The following VPS13C variants were observed in gnomAD, a reference collection of about 807,000 sequenced individuals.
VPS13C encodes the protein intermembrane lipid transfer protein VPS13C.
Under a neutral mutation model 456.8 loss-of-function variants are expected in VPS13C, and 358 were observed. The ratio of observed to expected loss-of-function variants is 0.78; its 90% CI spans 0.72 to 0.86. VPS13C has a LOEUF of 0.86. VPS13C is among the 40% of genes least tolerant of loss of function. The pLI, the probability that VPS13C is intolerant of heterozygous loss-of-function variation, is 0.00. For missense variants in VPS13C, 4,818 were observed against 4,385.4 expected (o/e 1.10, Z -2.79); for synonymous variants, 1,578 against 1,486.7 (o/e 1.06, Z -1.41).
At chr15:61,973,053 G>A (rs1424429700) in intron 26 of VPS13C, among the ~76,000 whole-genome samples, 2 of 152,028 alleles carry the variant, frequency 1.3e-5, no homozygotes, top group African/African-American at 2.4e-5. Flanking sequence ...TATCTACCAC[G>A]TATCAGGCTG....
At chr15:61,897,943 A>C (rs1272607976) in intron 66 of VPS13C, among the ~76,000 whole-genome samples, 2 of 152,348 alleles carry the variant, frequency 1.3e-5, no homozygotes, top group East Asian at 3.9e-4. Context: ...GTGGGGGCCA[A>C]TATTCAACAT....
chr15:61,865,021 T>C, intron 81 of VPS13C: 1 of 984,570 alleles, frequency 1.0e-6, no homozygotes, highest in Non-Finnish European at 1.2e-6. Context: ...TTTATCACCA[T>C]AATACACTTT....
intron 4 of VPS13C, among the ~76,000 whole-genome samples, chr15:62,034,572 GA>G (rs1252418548): frequency 3.3e-5 from 5 of 150,844 alleles, no homozygotes; most frequent in Non-Finnish European, 7.4e-5. Context: ...AACAAAATAG[GA>G]AAAAAAATAA....
In VPS13C at chr15:61,866,283, G is replaced by C. The variant is rs187509230; in HGVS notation, c.10863+2376C>G. On this transcript the variant is annotated intron_variant, in intron 81 of 84. Coordinates refer to ENST00000644861, the MANE Select transcript of VPS13C (RefSeq NM_020821.3). ...ATAATGCACTAAAGTTTTAAAAGTT[G>C]TCTGATATCTTAATAAAAACTAAGA... The C allele has an allele frequency of 4.1e-6, 4 of 983,480 alleles. No homozygotes were observed. The East Asian group carries it at 4.5e-4, about 112-fold the overall frequency. The allele number at this position is 983,480 out of a possible 1,614,324, so 60.9% of individuals were successfully genotyped here. A position where few individuals can be genotyped will look rare whatever the true frequency, so the allele number is the denominator to read the frequency against.
intron 3 of VPS13C, 87 bp downstream of exon 3, chr15:62,041,237 A>G: frequency 7.1e-7 from 1 of 1,418,028 alleles, no homozygotes; most frequent in Non-Finnish European, 9.7e-7. Flanking sequence ...CACACTTTTA[A>G]TCAAAGATTT....
At chr15:61,935,959 C>T (rs1157742800) in intron 48 of VPS13C, among the ~76,000 whole-genome samples, 1 of 152,046 alleles carries the variant, frequency 6.6e-6, no homozygotes, top group East Asian at 1.9e-4. Flanking sequence ...AAATATTAAC[C>T]TATTTACAGT....
chr15:62,040,476 T>A (rs990679796), intron 3 of VPS13C, among the ~76,000 whole-genome samples: 1 of 151,964 alleles, frequency 6.6e-6, no homozygotes, highest in South Asian at 2.1e-4. Flanking sequence ...CATAAATATA[T>A]ATACCTACTA....
At chr15:61,981,678 G>A (rs569130188) in intron 21 of VPS13C, among the ~76,000 whole-genome samples, 200 bp from the exon 22 acceptor site, 1 of 152,178 alleles carries the variant, frequency 6.6e-6, no homozygotes, top group South Asian at 2.1e-4. Flanking sequence ...GGCTAACACG[G>A]TGAAACCCCG....
At chr15:62,018,185 G>T (rs1291890182) in intron 9 of VPS13C, among the ~76,000 whole-genome samples, 3 of 152,034 alleles carry the variant, frequency 2.0e-5, no homozygotes, top group Admixed American at 6.6e-5. Flanking sequence ...GGAGATTTGG[G>T]GCTGAGACGA....
Position 61,958,622 on chromosome 15 carries a change from C to A in VPS13C, c.4151G>T (p.Arg1384Ile), listed in dbSNP as rs778997182. Reference protein sequence around the residue: ...GTEDLDKVKPRVQETGEIKEP... With the variant: ...GTEDLDKVKPIVQETGEIKEP... ...CAGCCTCTTACCTGTCTCTTGTACTCTTGGTTTCACTTTATCCAAGTCTTC... is the reference window on the plus strand; with the variant it reads ...CAGCCTCTTACCTGTCTCTTGTACTATTGGTTTCACTTTATCCAAGTCTTC... Residue 1384 changes from arginine (R) to isoleucine (I), a missense_variant, in exon 37 of 85, where the codon AGA (arginine) becomes ATA (isoleucine). Around this residue, in one of 3 missense-constraint regions of VPS13C, gnomAD observed 4,552 missense variants for 4,130.6 expected, o/e 1.10. Coordinates refer to ENST00000644861, the MANE Select transcript of VPS13C (RefSeq NM_020821.3). 6.4e-7 allele frequency: 1 copy of A among 1,570,948 alleles called. No individual in the cohort carries two copies. Among genetic ancestry groups the A allele is most frequent in the Admixed American group, 1.9e-5 (1 of 51,532 alleles).
chr15:61,883,618 T>A (rs1176101858), intron 68 of VPS13C, among the ~76,000 whole-genome samples: 1 of 152,152 alleles, frequency 6.6e-6, no homozygotes, highest in Non-Finnish European at 1.5e-5. Flanking sequence ...AGGGCCTAGG[T>A]GGAGTGCATC....
chr15:61,924,996 A>G (rs939161504), intron 53 of VPS13C, among the ~76,000 whole-genome samples: 2 of 152,208 alleles, frequency 1.3e-5, no homozygotes, highest in Admixed American at 6.5e-5. Context: ...AAACTCCAAT[A>G]ATTATTTCTA....
intron 67 of VPS13C, among the ~76,000 whole-genome samples, chr15:61,887,527 A>G (rs2140061013): frequency 6.6e-6 from 1 of 152,204 alleles, no homozygotes; most frequent in Admixed American, 6.5e-5. Flanking sequence ...CATCTCCACA[A>G]AGAAATAAAA....
intron 50 of VPS13C, among the ~76,000 whole-genome samples, chr15:61,930,855 T>C (rs1411399073): frequency 6.6e-6 from 1 of 152,246 alleles, no homozygotes; most frequent in Non-Finnish European, 1.5e-5. Context: ...ACTCATTTTC[T>C]CTTAGTTCCC....
At chr15:61,998,827 C>T (rs1018412870) in intron 16 of VPS13C, among the ~76,000 whole-genome samples, 7 of 152,132 alleles carry the variant, frequency 4.6e-5, no homozygotes, top group Admixed American at 3.9e-4. Flanking sequence ...TGAGACAATC[C>T]TCCTCTTTCT....
intron 15 of VPS13C, among the ~76,000 whole-genome samples, chr15:62,005,303 G>C (rs1282963773): frequency 6.6e-6 from 1 of 152,080 alleles, no homozygotes; most frequent in Non-Finnish European, 1.5e-5. Context: ...ATCTTTGTTG[G>C]TTTAAAGTCT....
At chr15:61,912,032 C>T (rs1323750671) in intron 62 of VPS13C, 28 bp from the exon 63 acceptor site, 2 of 1,533,906 alleles carry the variant, frequency 1.3e-6, no homozygotes, top group South Asian at 1.4e-5. Context: ...GCTTATTTTC[C>T]AGTTTATTCA....
At position 61,852,578 on chromosome 15, in the gene VPS13C, T is replaced by C. The variant is rs768386328; in HGVS notation, c.*1879A>G. On this transcript the variant is annotated 3_prime_UTR_variant, in exon 85 of 85. Coordinates refer to ENST00000644861, the MANE Select transcript of VPS13C (RefSeq NM_020821.3). ...TATAATTTCTTAAATATATGGGACA[T>C]TGTCAACAGCTGTGATTCATATGAA... 7 of 152,168 alleles carry C rather than the reference T, an allele frequency of 4.6e-5. No individual in the cohort carries two copies. Among genetic ancestry groups the C allele is most frequent in the Admixed American group, 6.5e-5 (1 of 15,268 alleles). The allele number at this position is 152,168 out of a possible 1,614,324, so 9.4% of individuals were successfully genotyped here. A position where few individuals can be genotyped will look rare whatever the true frequency, so the allele number is the denominator to read the frequency against.
rs2047708747 is a variant in VPS13C, at chr15:62,028,410, T to C, written c.396A>G (p.Ser132=). Residue 132 remains serine (S), a synonymous_variant, in exon 6 of 85, where the codon TCA becomes TCG. Transcript: ENST00000644861. ...TCTCCAAGCCATATATGAACTCCCCTGAATGTGTGCCTGCATCCCACATGG... is the reference window on the plus strand; with the variant it reads ...TCTCCAAGCCATATATGAACTCCCCCGAATGTGTGCCTGCATCCCACATGG... ...LQKAAEKGTH[S]GEFIYGLENF... is the part of the protein sequence containing the mutation. The C allele has an allele frequency of 1.2e-6, 2 of 1,612,890 alleles. No homozygotes were observed. The highest frequency in any genetic ancestry group is 1.7e-6 in the Non-Finnish European group (2 of 1,179,244).
Sources: allele counts gnomAD v4.1 joint callset (sites outside exome capture counted in the v4.1 genomes callset), GRCh38; gene constraint gnomAD v4.1.1; regional missense constraint gnomAD v4.1.1; transcripts MANE v1.5; gene names NCBI Gene and HGNC (gene_info 2026-07-23, HGNC 2026-07-21).